The following RGS7 variants were observed in gnomAD, a reference collection of about 807,000 sequenced individuals.
RGS7 encodes regulator of G protein signaling 7, also known as regulator of G-protein signaling 7.
RGS7 carries 27 observed loss-of-function variants against 81.1 expected under a neutral mutation model. That is an observed-to-expected ratio of 0.33 (90% CI 0.25 to 0.46). The LOEUF is 0.46. Among genes scored for constraint, RGS7 ranks in the 20% least tolerant of loss-of-function variants. The pLI is 1.00. For missense variants in RGS7, 396 were observed against 607.4 expected, an observed-to-expected ratio of 0.65 and a Z score of 3.66; for synonymous variants, 208 against 207.7, an observed-to-expected ratio of 1.00 and a Z score of -0.01.
At position 240,793,611 on chromosome 1, in the gene RGS7, A is replaced by ATATATATATATATATATTTTT; in HGVS notation, c.*6+7029_*6+7030insAAAAATATATATATATATATA. Among the ~76,000 whole-genome samples, 110 of 78,734 alleles carry ATATATATATATATATATTTTT rather than the reference A, an allele frequency of 1.4e-3. 1 individual carries two copies. The highest frequency in any genetic ancestry group is 1.8e-3 in the African/African-American group (19 of 10,282). The allele number at this position is 78,734 out of a possible 152,430, so 51.7% of individuals were successfully genotyped here. A position where few individuals can be genotyped will look rare whatever the true frequency, so the allele number is the denominator to read the frequency against. Reference sequence around the variant, plus strand: ...AATATATATATATATATATATATATATTTTTTTTTTTTTTTTGAGACAGAG... The same window carrying ATATATATATATATATATTTTT: ...AATATATATATATATATATATATATATATATATATATATATATTTTTTTTTTTTTTTTTTTTTGAGACAGAG... On this transcript the variant is annotated intron_variant, in intron 18 of 18. Coordinates refer to ENST00000440928, the MANE Select transcript of RGS7 (RefSeq NM_001364886.1).
intron 2 of RGS7, among the ~76,000 whole-genome samples, chr1:241,355,203 A>C (rs1172782015): frequency 1.3e-5 from 2 of 152,266 alleles, no homozygotes; most frequent in Non-Finnish European, 2.9e-5. Context: ...TAAGACAAAA[A>C]AAGACTAGAA....
intron 10 of RGS7, among the ~76,000 whole-genome samples, chr1:240,820,218 T>C (rs1691522762): frequency 1.3e-5 from 2 of 152,196 alleles, no homozygotes; most frequent in Non-Finnish European, 2.9e-5. Flanking sequence ...TATTTGCAGC[T>C]GGGGAAAATC....
chr1:240,949,461 A>G (rs1379434591), intron 4 of RGS7, among the ~76,000 whole-genome samples: 1 of 152,026 alleles, frequency 6.6e-6, no homozygotes, highest in Non-Finnish European at 1.5e-5. Context: ...TAGGTGCTTA[A>G]CTACAAGCCA....
At chr1:241,344,910 T>C (rs1041907298) in intron 2 of RGS7, among the ~76,000 whole-genome samples, 10 of 152,206 alleles carry the variant, frequency 6.6e-5, no homozygotes, top group Admixed American at 5.2e-4. Context: ...TATAAATTAT[T>C]CGATTATGAA....
At chr1:240,879,286 TA>T in intron 6 of RGS7, among the ~76,000 whole-genome samples, 1 of 152,372 alleles carries the variant, frequency 6.6e-6, no homozygotes, top group South Asian at 2.1e-4. Flanking sequence ...TACCTTGGAT[TA>T]TTTTTTACTT....
intron 2 of RGS7, among the ~76,000 whole-genome samples, chr1:241,191,584 C>A (rs1021681616): frequency 1.3e-5 from 2 of 151,908 alleles, no homozygotes; most frequent in African/African-American, 4.8e-5. Context: ...TTTTGAACTG[C>A]CTTTGGTTTT....
chr1:240,814,591 CACATT>C, intron 12 of RGS7, 120 bp downstream of exon 12: 1 of 675,894 alleles, frequency 1.5e-6, no homozygotes, highest in South Asian at 1.6e-5. Flanking sequence ...AAAACAAAAT[CACATT>C]ACTTACAGGA....
chr1:241,278,881 G>A (rs1182377097), intron 2 of RGS7, among the ~76,000 whole-genome samples: 1 of 152,148 alleles, frequency 6.6e-6, no homozygotes. Context: ...TAGTTCCACT[G>A]AAAATAAATC....
chr1:241,224,538 G>A (rs187605356), intron 2 of RGS7, among the ~76,000 whole-genome samples: 5 of 151,960 alleles, frequency 3.3e-5, no homozygotes, highest in South Asian at 2.1e-4. Flanking sequence ...AAGCCATTTC[G>A]CAGGATATGC....
chr1:241,002,854 T>C (rs2058472751), intron 3 of RGS7, among the ~76,000 whole-genome samples: 1 of 152,212 alleles, frequency 6.6e-6, no homozygotes, highest in South Asian at 2.1e-4. Flanking sequence ...CATTCATACT[T>C]CAATAAATTC....
intron 4 of RGS7, among the ~76,000 whole-genome samples, chr1:240,980,058 A>G (rs2148546326): frequency 6.6e-6 from 1 of 152,342 alleles, no homozygotes; most frequent in Admixed American, 6.5e-5. Flanking sequence ...ATATATGTAA[A>G]CTAAAAAAAA....
chr1:240,821,056 A>G (rs1691693093), intron 10 of RGS7, among the ~76,000 whole-genome samples: 1 of 152,178 alleles, frequency 6.6e-6, no homozygotes, highest in Non-Finnish European at 1.5e-5. Context: ...AGAAGCAGAG[A>G]GAAGGCAACC....
rs775786617 is a variant in RGS7 at position 241,184,224 on chromosome 1, C to G, written c.79-85462G>C. ...AAAAAAATGTATTGAGTGAAGTAGT[C>G]TAGGGATCATGACTCCACAATTATT... On this transcript the variant is annotated intron_variant, in intron 2 of 18. Transcript: ENST00000440928. Among the ~76,000 whole-genome samples the G allele has an allele frequency of 8.7e-4, 132 of 152,220 alleles. 1 individual carries two copies. The highest frequency in any genetic ancestry group is 2.8e-3 in the African/African-American group (117 of 41,530).
At chr1:241,232,509 T>G (rs748299500) in intron 2 of RGS7, among the ~76,000 whole-genome samples, 2 of 152,136 alleles carry the variant, frequency 1.3e-5, no homozygotes, top group Non-Finnish European at 2.9e-5. Flanking sequence ...ACTGGGCTTA[T>G]ATGTCTATTA....
chr1:241,008,789 G>A (rs1572239655), intron 3 of RGS7, among the ~76,000 whole-genome samples: 2 of 151,672 alleles, frequency 1.3e-5, no homozygotes. Flanking sequence ...GCACATGTTT[G>A]TAATCCCACC....
chr1:241,273,722 A>G (rs1268835373), intron 2 of RGS7, among the ~76,000 whole-genome samples: 3 of 152,130 alleles, frequency 2.0e-5, no homozygotes, highest in African/African-American at 4.8e-5. Context: ...AAGTGCCTCA[A>G]AGGGATTTCT....
intron 2 of RGS7, among the ~76,000 whole-genome samples, chr1:241,290,734 G>A (rs900648721): frequency 2.0e-5 from 3 of 152,164 alleles, no homozygotes; most frequent in Non-Finnish European, 4.4e-5. Flanking sequence ...CTGTAGCTAT[G>A]TAAGTTTGGA....
chr1:240,851,390 A>G (rs769362733), intron 9 of RGS7, among the ~76,000 whole-genome samples: 4 of 152,326 alleles, frequency 2.6e-5, no homozygotes, highest in Non-Finnish European at 5.9e-5. Flanking sequence ...TGCTCAGAGA[A>G]AAGGATTCCT....
At chr1:240,809,569 A>G (rs1572189166) in intron 14 of RGS7, among the ~76,000 whole-genome samples, 1 of 151,860 alleles carries the variant, frequency 6.6e-6, no homozygotes, top group South Asian at 2.1e-4. Context: ...ATGCAATCTG[A>G]CCTCCTTAGC....
Sources: gnomAD v4.1 joint callset for allele counts (sites outside exome capture counted in the v4.1 genomes callset) on GRCh38, gnomAD v4.1.1 for gene constraint, MANE v1.5 for transcripts, NCBI Gene and HGNC (gene_info 2026-07-23, HGNC 2026-07-21) for gene names.